Variants in CCDC73 observed in about 807,000 individuals in gnomAD.
The protein encoded by CCDC73 is coiled-coil domain containing 73, also known as coiled-coil domain-containing protein 73.
A neutral mutation model predicts 116.5 loss-of-function variants in CCDC73; 95 were observed. That is an observed-to-expected ratio of 0.82 (90% CI 0.69 to 0.97). The LOEUF is 0.97. Ranked by LOEUF, CCDC73 falls within the 50% of genes least tolerant of loss-of-function variation. CCDC73 has a pLI of 0.00. For missense variants in CCDC73, 1,066 were observed against 1,206.8 expected (o/e 0.88, Z 1.73); for synonymous variants, 398 against 401.3 (o/e 0.99, Z 0.10).
intron 9 of CCDC73, among the ~76,000 whole-genome samples, chr11:32,673,110 G>A (rs1856054275): frequency 6.6e-6 from 1 of 152,126 alleles, no homozygotes; most frequent in African/African-American, 2.4e-5. Context: ...ATGGGCCCAA[G>A]GCCTGAACAG....
chr11:32,679,235 T>G (rs1856122599), intron 7 of CCDC73, among the ~76,000 whole-genome samples: 1 of 152,186 alleles, frequency 6.6e-6, no homozygotes, highest in Admixed American at 6.5e-5. Context: ...CCATATTGCT[T>G]TCTTCTAAAA....
chr11:32,784,316 T>G (rs941325173), intron 1 of CCDC73, among the ~76,000 whole-genome samples: 40 of 136,264 alleles, frequency 2.9e-4, no homozygotes, highest in African/African-American at 1.1e-3. Flanking sequence ...GCAACAAGAG[T>G]GAAAGTCCGT....
intron 14 of CCDC73, among the ~76,000 whole-genome samples, chr11:32,631,162 T>C (rs1048755550): frequency 2.0e-5 from 3 of 152,182 alleles, no homozygotes; most frequent in Non-Finnish European, 2.9e-5. Context: ...CTCCCACTAA[T>C]TGATAGAACA....
intron 2 of CCDC73, among the ~76,000 whole-genome samples, chr11:32,723,760 G>C (rs915799548): frequency 6.6e-6 from 1 of 151,840 alleles, no homozygotes; most frequent in African/African-American, 2.4e-5. Flanking sequence ...GTAGTCCTAA[G>C]GCATCTAATA....
intron 2 of CCDC73, among the ~76,000 whole-genome samples, chr11:32,731,380 C>T (rs558727373): frequency 3.3e-5 from 5 of 152,324 alleles, no homozygotes; most frequent in East Asian, 1.9e-4. Context: ...CATCAGAAAC[C>T]TCTGCAGAAT....
intron 9 of CCDC73, among the ~76,000 whole-genome samples, chr11:32,672,317 G>A (rs1856047283): frequency 6.6e-6 from 1 of 152,098 alleles, no homozygotes; most frequent in Admixed American, 6.6e-5. Context: ...ATTCCAGCCT[G>A]GGCAACAGAG....
intron 12 of CCDC73, among the ~76,000 whole-genome samples, chr11:32,647,150 A>C (rs1248070082): frequency 6.6e-6 from 1 of 152,178 alleles, no homozygotes; most frequent in Non-Finnish European, 1.5e-5. Context: ...ATAAGAAAAG[A>C]AGTTTAATTG....
chr11:32,784,049 G>A (rs918491604), intron 1 of CCDC73, among the ~76,000 whole-genome samples: 8 of 152,192 alleles, frequency 5.3e-5, no homozygotes, highest in Admixed American at 1.3e-4. Context: ...AAGAAAGCAG[G>A]CCAGCCACAG....
chr11:32,722,351 A>T (rs1269570529), intron 2 of CCDC73, among the ~76,000 whole-genome samples: 1 of 152,184 alleles, frequency 6.6e-6, no homozygotes, highest in Admixed American at 6.5e-5. Context: ...CTAATAATTC[A>T]TTGGCCATAA....
chr11:32,731,705 G>A (rs1850080008), intron 2 of CCDC73, among the ~76,000 whole-genome samples: 1 of 152,120 alleles, frequency 6.6e-6, no homozygotes, highest in Non-Finnish European at 1.5e-5. Context: ...TGAGGGTCCT[G>A]ACTGTTAGAA....
In CCDC73 at chr11:32,613,861, A is replaced by G. The variant is rs545938995; in HGVS notation, c.2457T>C (p.Thr819=). 9 of 1,613,444 alleles carry G rather than the reference A, an allele frequency of 5.6e-6. No homozygotes were observed. Among genetic ancestry groups the G allele is most frequent in the East Asian group, 2.2e-5 (1 of 44,878 alleles). The change falls in exon 16 of 18, where the codon ACT becomes ACC. Residue 819 remains threonine, a synonymous_variant. Transcript: ENST00000335185. ...GGAAGAGGTCATTTTTTGTGGCTTC[A>G]GTTACCTGATTCTCATCAATCTGAT... The part of the protein sequence containing the change: ...KKNQIDENQV[T]EATKNDLFLF...
At position 32,613,971 on chromosome 11, in the gene CCDC73, T is replaced by C; in HGVS notation, c.2347A>G (p.Asn783Asp). The change falls in exon 16 of 18, where the codon AAT becomes GAT. Residue 783 changes from asparagine (N) to aspartate (D), a missense_variant. By Grantham distance (23) the Asn-to-Asp change is conservative. Transcript: ENST00000335185. ...NISHLHLNNE[N>D]SHASQAKDVK... ...TCTTTGGCTTGTGAAGCATGACTAT[T>C]CTCATTGTTAAGATGAAGATGGGAA... 2 of 1,610,996 alleles carry C rather than the reference T, an allele frequency of 1.2e-6. No individual in the cohort carries two copies. The highest frequency in any genetic ancestry group is 1.7e-6 in the Non-Finnish European group (2 of 1,179,868).
intron 14 of CCDC73, among the ~76,000 whole-genome samples, chr11:32,620,076 T>A (rs1262001095): frequency 2.6e-5 from 4 of 152,114 alleles, no homozygotes; most frequent in Non-Finnish European, 5.9e-5. Flanking sequence ...ATCCCACAGT[T>A]TCAATGGGTC....
rs1430861115 is a variant in CCDC73, at chr11:32,755,546, T to TATATATATATATGTAC, written c.135+4562_135+4563insGTACATATATATATAT. ...AAGACTCCATCTCAAAATATATATATATATATATATATATATGTACATATA... is the reference window on the plus strand; with the variant it reads ...AAGACTCCATCTCAAAATATATATATATATATATATATGTACATATATATATATATATGTACATATA... On this transcript the variant is annotated intron_variant, in intron 2 of 17. Coordinates refer to ENST00000335185, the MANE Select transcript of CCDC73 (RefSeq NM_001008391.4). Among the ~76,000 whole-genome samples, 220 of 131,592 alleles carry TATATATATATATGTAC rather than the reference T, an allele frequency of 1.7e-3. 27 individuals carry two copies. Among genetic ancestry groups the TATATATATATATGTAC allele is most frequent in the African/African-American group, 6.1e-3 (208 of 34,304 alleles). The allele number at this position is 131,592 out of a possible 152,430, so 86.3% of individuals were successfully genotyped here. A position where few individuals can be genotyped will look rare whatever the true frequency, so the allele number is the denominator to read the frequency against.
chr11:32,644,188 C>T (rs902802527), intron 12 of CCDC73, among the ~76,000 whole-genome samples: 13 of 152,140 alleles, frequency 8.5e-5, no homozygotes, highest in African/African-American at 3.1e-4. Context: ...TTTGCAGCAA[C>T]ATGGATGGAG....
chr11:32,812,823 A>T, the CCDC73 span, among the ~76,000 whole-genome samples: 7 of 152,164 alleles, frequency 4.6e-5, no homozygotes, highest in Admixed American at 4.6e-4. Flanking sequence ...GGCAACAGAG[A>T]GACAGCCTGT....
At chr11:32,783,799 T>C (rs1344705131) in intron 1 of CCDC73, among the ~76,000 whole-genome samples, 8 of 152,204 alleles carry the variant, frequency 5.3e-5, no homozygotes, top group East Asian at 3.9e-4. Context: ...ATTTATTCTA[T>C]AGCAATCTTG....
intron 7 of CCDC73, among the ~76,000 whole-genome samples, chr11:32,677,473 G>A (rs557615136): frequency 1.3e-5 from 2 of 152,214 alleles, no homozygotes; most frequent in Admixed American, 1.3e-4. Flanking sequence ...GAGAAGTTCA[G>A]TAGTGATCCT....
chr11:32,676,211 G>A (rs925868598), intron 7 of CCDC73, among the ~76,000 whole-genome samples, 190 bp from the exon 8 acceptor site: 10 of 152,142 alleles, frequency 6.6e-5, no homozygotes, highest in African/African-American at 9.7e-5. Flanking sequence ...CTAAATCTAT[G>A]TAAAACTAAA....
Sources: allele counts gnomAD v4.1 joint callset (sites outside exome capture counted in the v4.1 genomes callset), GRCh38; gene constraint gnomAD v4.1.1; transcripts MANE v1.5; gene names NCBI Gene and HGNC (gene_info 2026-07-23, HGNC 2026-07-21).